The following HGSNAT variants were observed in gnomAD, a reference collection of about 807,000 sequenced individuals.
HGSNAT encodes transmembrane protein 76.
A neutral mutation model predicts 85.2 loss-of-function variants in HGSNAT; 59 were observed. The observed-to-expected ratio is 0.69, with a 90% CI of 0.56 to 0.86. The LOEUF (loss-of-function observed/expected upper bound fraction) is 0.86. Ranked by LOEUF, HGSNAT falls within the 40% of genes least tolerant of loss-of-function variation. The probability of loss-of-function intolerance (pLI) is 0.00; values close to 1 mark genes in which losing one functional copy is unlikely to be tolerated. For missense variants in HGSNAT, 756 were observed against 777.1 expected (o/e 0.97, Z 0.32); for synonymous variants, 321 against 304.5 (o/e 1.05, Z -0.56).
At chr8:43,164,788 TA>T (rs1001961538) in intron 5 of HGSNAT, among the ~76,000 whole-genome samples, 1 of 151,914 alleles carries the variant, frequency 6.6e-6, no homozygotes, top group South Asian at 2.1e-4. Context: ...TCTCAAAAAA[TA>T]AAAAATAAAG....
At chr8:43,173,000 T>C (rs1803680892) in intron 8 of HGSNAT, among the ~76,000 whole-genome samples, 1 of 152,224 alleles carries the variant, frequency 6.6e-6, no homozygotes, top group Non-Finnish European at 1.5e-5. Context: ...CTTTCTTTTT[T>C]TAAAGGCAGA....
Position 43,202,431 on chromosome 8 carries a change from A to T in HGSNAT, c.*2862A>T, listed in dbSNP as rs1319017370. On this transcript the variant is annotated 3_prime_UTR_variant, in exon 18 of 18. Transcript: ENST00000379644. ...GATTGGTTTCCTTTGGGAAGGGAAG[A>T]GGGAGTGTGTTGGGGTAAGGGGTAG... 6.6e-6 allele frequency: 1 copy of T among 152,206 alleles called. No homozygotes were observed. Among genetic ancestry groups the T allele is most frequent in the African/African-American group, 2.4e-5 (1 of 41,412 alleles). 9.4% of individuals were successfully genotyped at this position (152,206 alleles called of 1,614,324 possible). A position where few individuals can be genotyped will look rare whatever the true frequency, so the allele number is the denominator to read the frequency against.
At chr8:43,199,162 A>G (rs544884771) in intron 17 of HGSNAT, among the ~76,000 whole-genome samples, 34 of 152,266 alleles carry the variant, frequency 2.2e-4, no homozygotes, top group African/African-American at 7.7e-4. Flanking sequence ...TGGCCTCCCA[A>G]AGTGCTGGGA....
chr8:43,147,056 G>C lies in HGSNAT; in HGVS notation c.227G>C (p.Cys76Ser), dbSNP rs1802741361. The C allele has an allele frequency of 1.3e-6, 2 of 1,583,722 alleles. No homozygotes were observed. The highest frequency in any genetic ancestry group is 1.8e-5 in the Admixed American group (1 of 56,838). Residue 76 changes from cysteine to serine, a missense_variant, in exon 2 of 18, where the codon TGT becomes TCT. By Grantham distance (112) the Cys-to-Ser change is moderately radical (BLOSUM62 -1). Transcript: ENST00000379644. ...NLTVYWKSEC[C>S]YHCLFQVLVN... ...ACCGTCTACTGGAAATCTGAATGCT[G>C]TTATCACGTATGTATCAGTTCACAC...
At chr8:43,182,646 A>C (rs1188946569) in intron 11 of HGSNAT, among the ~76,000 whole-genome samples, 1 of 151,992 alleles carries the variant, frequency 6.6e-6, no homozygotes, top group African/African-American at 2.4e-5. Flanking sequence ...AGGTCTCACT[A>C]TGTTGTCCAG....
chr8:43,153,719 T>C (rs1211543610), intron 2 of HGSNAT, among the ~76,000 whole-genome samples: 6 of 152,224 alleles, frequency 3.9e-5, no homozygotes, highest in Admixed American at 3.3e-4. Flanking sequence ...ATATCTCCTC[T>C]TTCCTACTAA....
At chr8:43,158,843 C>G (rs1803177535) in intron 3 of HGSNAT, 80 bp from the exon 4 acceptor site, 1 of 1,516,748 alleles carries the variant, frequency 6.6e-7, no homozygotes, top group Non-Finnish European at 9.0e-7. Context: ...ATGTATTATT[C>G]TGCCTCCATG....
chr8:43,196,382 T>A, intron 14 of HGSNAT: 2 of 985,476 alleles, frequency 2.0e-6, no homozygotes, highest in Non-Finnish European at 2.8e-6. Context: ...TTTCCCTGCC[T>A]CCCCCACCCT....
intron 15 of HGSNAT, 119 bp from the exon 16 acceptor site, chr8:43,197,552 TA>T: frequency 1.4e-6 from 1 of 730,162 alleles, no homozygotes; most frequent in Non-Finnish European, 2.4e-6. Flanking sequence ...GAGAAAAATA[TA>T]AGGCACAAGT....
chr8:43,170,091 A>C (rs2130744190), intron 6 of HGSNAT, among the ~76,000 whole-genome samples: 1 of 152,296 alleles, frequency 6.6e-6, no homozygotes, highest in Non-Finnish European at 1.5e-5. Flanking sequence ...AAAGTGCTGA[A>C]ATCACAGGTG....
chr8:43,150,648 A>T (rs1802878439), intron 2 of HGSNAT, among the ~76,000 whole-genome samples: 3 of 152,116 alleles, frequency 2.0e-5, no homozygotes, highest in Admixed American at 2.0e-4. Context: ...CCTGGCCAAC[A>T]CGGTGAAACC....
intron 7 of HGSNAT, among the ~76,000 whole-genome samples, chr8:43,171,266 TC>T: frequency 6.6e-6 from 1 of 152,172 alleles, no homozygotes; most frequent in Non-Finnish European, 1.5e-5. Context: ...CCTTCTGAAC[TC>T]TAGTGACAAC....
chr8:43,162,927 T>G (rs1489805346), intron 5 of HGSNAT, among the ~76,000 whole-genome samples: 1 of 152,126 alleles, frequency 6.6e-6, no homozygotes, highest in Non-Finnish European at 1.5e-5. Flanking sequence ...GGCTCACGCC[T>G]CTAATACCAG....
chr8:43,159,778 C>T (rs1803214728), intron 4 of HGSNAT, among the ~76,000 whole-genome samples: 1 of 152,108 alleles, frequency 6.6e-6, no homozygotes, highest in Non-Finnish European at 1.5e-5. Flanking sequence ...GTCCAGAGAT[C>T]CTCTTAGGTT....
intron 15 of HGSNAT, 128 bp from the exon 16 acceptor site, chr8:43,197,544 G>T: frequency 1.4e-6 from 1 of 704,478 alleles, no homozygotes; most frequent in Non-Finnish European, 2.4e-6. Flanking sequence ...ATTTAAAAGA[G>T]AAAAATATAA....
At chr8:43,170,550 T>C in intron 6 of HGSNAT, 35 bp from the exon 7 acceptor site, 1 of 1,429,120 alleles carries the variant, frequency 7.0e-7, no homozygotes, top group Non-Finnish European at 9.7e-7. Context: ...CCCTTAGCAT[T>C]ATGAGTTGTC....
intron 7 of HGSNAT, 129 bp downstream of exon 7, chr8:43,170,823 G>C: frequency 1.6e-6 from 1 of 608,206 alleles, no homozygotes; most frequent in Non-Finnish European, 2.8e-6. Context: ...AGGATTTCTT[G>C]GATGTAAAAG....
chr8:43,169,713 T>C (rs2130743252), intron 6 of HGSNAT, among the ~76,000 whole-genome samples: 1 of 152,378 alleles, frequency 6.6e-6, no homozygotes, highest in South Asian at 2.1e-4. Context: ...GTGTCATTTA[T>C]CAATGTGGCC....
intron 14 of HGSNAT, chr8:43,196,607 G>A (rs1335197850): frequency 1.8e-5 from 19 of 1,039,000 alleles, no homozygotes; most frequent in Admixed American, 2.3e-5. Flanking sequence ...GAGATGTGGT[G>A]TGGCTACCAT....
Sources: gnomAD v4.1 joint callset for allele counts (sites outside exome capture counted in the v4.1 genomes callset) on GRCh38, gnomAD v4.1.1 for gene constraint, MANE v1.5 for transcripts, NCBI Gene and HGNC (gene_info 2026-07-23, HGNC 2026-07-21) for gene names.